THADA: variants seen among roughly 807,000 people sequenced by gnomAD.
The protein encoded by THADA is tRNA (32-2'-O)-methyltransferase regulator THADA.
THADA carries 213 observed loss-of-function variants against 219.8 expected under a neutral mutation model. The observed-to-expected ratio is 0.97, with a 90% confidence interval of 0.87 to 1.09. The LOEUF (loss-of-function observed/expected upper bound fraction) is 1.09. THADA is among the 50% of genes least tolerant of loss of function. The pLI is 0.00. For missense variants in THADA, 2,956 were observed against 2,311.3 expected (o/e 1.28, Z -5.72); for synonymous variants, 1,018 against 828.9 (o/e 1.23, Z -3.92).
chr2:43,577,103 T>A lies in THADA; in HGVS notation c.956A>T (p.Asp319Val). 1.2e-6 allele frequency: 2 copies of A among 1,613,340 alleles called. No homozygotes were observed. Among genetic ancestry groups the A allele is most frequent in the Non-Finnish European group, 1.7e-6 (2 of 1,179,704 alleles). Residue 319 changes from aspartate to valine, a missense_variant, in exon 10 of 38, where the codon GAC (aspartate) becomes GTC (valine). By Grantham distance (152) the Asp-to-Val change is radical. Transcript: ENST00000405975. Reference protein sequence around the residue: ...FLCQGTLAMLDWQNGSMGRSG... With the variant: ...FLCQGTLAMLVWQNGSMGRSG... The stretch of plus-strand genomic sequence containing the variant: ...CCGACCCATGCTTCCGTTCTGCCAG[T>A]CCAACATGGCAAGTGTCCCCTGACA...
chr2:43,499,819 T>G (rs1688712122), intron 24 of THADA, among the ~76,000 whole-genome samples: 1 of 152,086 alleles, frequency 6.6e-6, no homozygotes, highest in Admixed American at 6.6e-5. Flanking sequence ...AATGTACATC[T>G]CAAATGCTTC....
Position 43,230,920 on chromosome 2 carries a change from A to AC in THADA, c.*27dup, listed in dbSNP as rs554480687. On this transcript the variant is annotated 3_prime_UTR_variant, in exon 38 of 38. Transcript: ENST00000405975. Reference sequence around the variant, plus strand: ...TTTAGTGGAGGAAAAATCCACACATACCCCCATCCCAATCCCCCAGATTTT... The same window carrying AC: ...TTTAGTGGAGGAAAAATCCACACATACCCCCCATCCCAATCCCCCAGATTTT... The AC allele has an allele frequency of 7.1e-5, 112 of 1,573,046 alleles. No homozygotes were observed. In the African/African-American group the frequency reaches 1.2e-3, roughly 17 times the overall value.
In THADA at chr2:43,297,578, T is replaced by C. The variant is rs1203460229; in HGVS notation, c.4439-4365A>G. Among the ~76,000 whole-genome samples, 118 of 72,434 alleles carry C rather than the reference T, an allele frequency of 1.6e-3. 6 individuals are homozygous for C. Among genetic ancestry groups the C allele is most frequent in the Non-Finnish European group, 2.5e-3 (101 of 39,806 alleles). 47.5% of individuals were successfully genotyped at this position (72,434 alleles called of 152,430 possible). A position where few individuals can be genotyped will look rare whatever the true frequency, so the allele number is the denominator to read the frequency against. ...GGTCAGCCCCCCGCCTGGCCAGCCG[T>C]GCCGTCCGGGAGGGAGGTGGGGGGG... is the stretch of plus-strand genomic sequence containing the variant. On this transcript the variant is annotated intron_variant, in intron 31 of 37. Transcript: ENST00000405975.
intron 24 of THADA, among the ~76,000 whole-genome samples, chr2:43,501,965 A>G (rs757536473): frequency 2.0e-5 from 3 of 151,452 alleles, no homozygotes; most frequent in Non-Finnish European, 4.4e-5. Context: ...AACAAAAATA[A>G]AACTGTGGTT....
At chr2:43,436,767 ATGCTCCTCAACTGACGTAGGGAT>A (rs1326415859) in intron 26 of THADA, among the ~76,000 whole-genome samples, 1 of 152,234 alleles carries the variant, frequency 6.6e-6, no homozygotes, top group Non-Finnish European at 1.5e-5. Context: ...CTATCAACAT[ATGCTCCTCAACTGACGTAGGGAT>A]CTCCCCAAAC....
chr2:43,531,344 C>T (rs998483163), intron 21 of THADA, among the ~76,000 whole-genome samples: 1 of 152,190 alleles, frequency 6.6e-6, no homozygotes, highest in African/African-American at 2.4e-5. Flanking sequence ...TAAATAAGTG[C>T]GTGCCAGCTA....
intron 31 of THADA, among the ~76,000 whole-genome samples, chr2:43,302,859 G>A (rs1676424844): frequency 6.6e-6 from 1 of 152,106 alleles, no homozygotes; most frequent in South Asian, 2.1e-4. Flanking sequence ...TGAAGCTACA[G>A]TGTGCTATAA....
intron 36 of THADA, among the ~76,000 whole-genome samples, chr2:43,274,998 C>T (rs12712878): frequency 0.38 from 25,088 of 65,548 alleles, 3,651 homozygotes; most frequent in African/African-American, 0.5. Flanking sequence ...CTTTTCTTTT[C>T]TTTTTTTTTT....
chr2:43,339,569 C>T (rs113691127), intron 30 of THADA, among the ~76,000 whole-genome samples: 277 of 152,252 alleles, frequency 1.8e-3, no homozygotes, highest in African/African-American at 6.5e-3. Flanking sequence ...CATGAGCCAC[C>T]GCACCCAGCC....
At chr2:43,471,644 A>G (rs1684915502) in intron 26 of THADA, among the ~76,000 whole-genome samples, 1 of 152,236 alleles carries the variant, frequency 6.6e-6, no homozygotes, top group Non-Finnish European at 1.5e-5. Flanking sequence ...TTCCTAATAT[A>G]TAGGCTAAAA....
At chr2:43,248,232 CAG>C (rs557205792) in intron 36 of THADA, among the ~76,000 whole-genome samples, 119 of 77,832 alleles carry the variant, frequency 1.5e-3, no homozygotes, top group East Asian at 8.6e-3. Context: ...GAGAGAGAGA[CAG>C]AGAGAGAGAG....
intron 30 of THADA, among the ~76,000 whole-genome samples, chr2:43,338,095 G>C (rs772315310): frequency 6.0e-5 from 9 of 151,070 alleles, no homozygotes; most frequent in Non-Finnish European, 1.0e-4. Flanking sequence ...ATCCATTTTT[G>C]AGTGTACAGT....
At chr2:43,594,757 T>G (rs995665517) in intron 1 of THADA, among the ~76,000 whole-genome samples, 4 of 152,166 alleles carry the variant, frequency 2.6e-5, no homozygotes, top group African/African-American at 9.7e-5. Context: ...GGCTTTACAC[T>G]TCTCAGTATC....
chr2:43,268,457 C>T (rs956247925), intron 36 of THADA, among the ~76,000 whole-genome samples: 3 of 152,212 alleles, frequency 2.0e-5, no homozygotes, highest in African/African-American at 7.2e-5. Context: ...AGCCACTCTC[C>T]ATTCTGCTCT....
At chr2:43,266,187 G>A (rs1361120657) in intron 36 of THADA, among the ~76,000 whole-genome samples, 1 of 152,108 alleles carries the variant, frequency 6.6e-6, no homozygotes, top group Admixed American at 6.5e-5. Flanking sequence ...CTGAGCAGGG[G>A]ACTGACTGAA....
At chr2:43,497,237 A>G (rs1273771891) in intron 25 of THADA, among the ~76,000 whole-genome samples, 2 of 152,184 alleles carry the variant, frequency 1.3e-5, no homozygotes, top group Non-Finnish European at 2.9e-5. Flanking sequence ...TATATGAAAC[A>G]TATGTTTATT....
At chr2:43,524,851 G>A (rs1014044405) in intron 22 of THADA, among the ~76,000 whole-genome samples, 99 of 152,234 alleles carry the variant, frequency 6.5e-4, no homozygotes, top group South Asian at 3.5e-3. Flanking sequence ...TAGTCTCCCC[G>A]CTCCATTTAT....
intron 26 of THADA, among the ~76,000 whole-genome samples, chr2:43,448,560 C>CTTTTTTTTTTTTTTTT (rs71410179): frequency 5.8e-5 from 6 of 103,620 alleles, no homozygotes; most frequent in African/African-American, 1.4e-4. Context: ...TTCTTCCTTT[C>CTTTTTTTTTTTTTTTT]TTTTTTTTTT....
At chr2:43,360,244 T>C (rs970874260) in intron 29 of THADA, among the ~76,000 whole-genome samples, 7 of 152,264 alleles carry the variant, frequency 4.6e-5, no homozygotes, top group Non-Finnish European at 1.0e-4. Context: ...TGTATCTTTT[T>C]ATGTAAACCA....
Sources: allele counts gnomAD v4.1 joint callset (sites outside exome capture counted in the v4.1 genomes callset), GRCh38; gene constraint gnomAD v4.1.1; transcripts MANE v1.5; gene names NCBI Gene and HGNC (gene_info 2026-07-23, HGNC 2026-07-21).